PRKN: variants seen among roughly 807,000 people sequenced by gnomAD.
PRKN encodes parkin RBR E3 ubiquitin protein ligase.
PRKN carries 56 observed loss-of-function variants against 59.5 expected under a neutral mutation model. That is an observed-to-expected ratio of 0.94 (90% CI 0.76 to 1.18). The LOEUF is 1.18. Among genes scored for constraint, PRKN ranks in the 50% most tolerant of loss-of-function variants. PRKN has a pLI of 0.00. For synonymous variants in PRKN, 250 were observed against 222.1 expected (o/e 1.13, Z -1.12); for missense variants, 657 against 596.4 (o/e 1.10, Z -1.06).
chr6:162,299,338 G>A (rs1781834915), intron 2 of PRKN, among the ~76,000 whole-genome samples: 1 of 152,178 alleles, frequency 6.6e-6, no homozygotes, highest in Non-Finnish European at 1.5e-5. Context: ...ACGCTTGAGT[G>A]TCTCTCCCGG....
At chr6:162,021,457 ATATATTTTTTTT>A (rs1313171618) in intron 5 of PRKN, among the ~76,000 whole-genome samples, 4 of 83,766 alleles carry the variant, frequency 4.8e-5, no homozygotes, top group African/African-American at 1.9e-4. Context: ...ATATATATAT[ATATATTTTTTTT>A]TTTTTTTTCC....
At chr6:161,692,851 G>C (rs572383507) in intron 7 of PRKN, among the ~76,000 whole-genome samples, 21 of 152,046 alleles carry the variant, frequency 1.4e-4, no homozygotes, top group African/African-American at 4.8e-4. Context: ...GGGAGGCTGA[G>C]GCATGAGGAT....
intron 1 of PRKN, among the ~76,000 whole-genome samples, chr6:162,506,479 G>A (rs1793614029): frequency 6.6e-6 from 1 of 152,098 alleles, no homozygotes; most frequent in Non-Finnish European, 1.5e-5. Flanking sequence ...AGAGATCTTG[G>A]AGAAAGTCTA....
In PRKN at chr6:161,400,595, T is replaced by C. The variant is rs1057272853; in HGVS notation, c.1084-13718A>G. Among the ~76,000 whole-genome samples, 8 of 152,190 alleles carry C rather than the reference T, an allele frequency of 5.3e-5. No homozygotes were observed. Among genetic ancestry groups the C allele is most frequent in the Admixed American group, 4.6e-4 (7 of 15,292 alleles). ...TCCCAAAGTGCTGGGATTACAGGCA[T>C]GAGCCACCACGCTCGGCCGAAAATT... On this transcript the variant is annotated intron_variant, in intron 9 of 11. Transcript: ENST00000366898. This position sits in a 1 kb window ranked among gnomAD's most constrained non-coding sequence, Gnocchi z 4.2.
intron 3 of PRKN, among the ~76,000 whole-genome samples, chr6:162,246,289 G>C (rs953923141): frequency 2.6e-5 from 4 of 152,062 alleles, no homozygotes; most frequent in African/African-American, 9.7e-5. Flanking sequence ...AGACAAGAGG[G>C]TATGTAGAGG....
chr6:162,622,294 T>TGC, intron 1 of PRKN, among the ~76,000 whole-genome samples: 1 of 129,082 alleles, frequency 7.7e-6, no homozygotes, highest in Admixed American at 8.0e-5. Context: ...AAATTCTGTT[T>TGC]TTTTTTTTGT....
At position 161,414,025 on chromosome 6, in the gene PRKN, G is replaced by A. The variant is rs756181247; in HGVS notation, c.1084-27148C>T. On this transcript the variant is annotated intron_variant, in intron 9 of 11. Transcript: ENST00000366898. This position sits in a 1 kb window ranked among gnomAD's most constrained non-coding sequence, Gnocchi z 5.3. Reference sequence around the variant, plus strand: ...AAGCAGCCAGGCAGAGCGGTGGGACGTGAAACTCCTCGACAGCACTGTGTC... The same window carrying A: ...AAGCAGCCAGGCAGAGCGGTGGGACATGAAACTCCTCGACAGCACTGTGTC... 6.6e-6 allele frequency among the ~76,000 whole-genome samples: 1 copy of A among 152,102 alleles called. No individual in the cohort carries two copies. Among genetic ancestry groups the A allele is most frequent in the Non-Finnish European group, 1.5e-5 (1 of 68,028 alleles).
chr6:162,195,325 G>A (rs756869447), intron 4 of PRKN, among the ~76,000 whole-genome samples: 2 of 152,162 alleles, frequency 1.3e-5, no homozygotes, highest in Non-Finnish European at 2.9e-5. Flanking sequence ...AACACCCCAT[G>A]TGAAAACTAG....
rs140191240 is a variant in PRKN, at chr6:162,585,973, G to A, written c.7+141689C>T. Among the ~76,000 whole-genome samples the A allele has an allele frequency of 8.4e-3, 1,272 of 152,220 alleles. 16 individuals carry two copies. Among genetic ancestry groups the A allele is most frequent in the African/African-American group, 0.029 (1,198 of 41,524 alleles). On this transcript the variant is annotated intron_variant, in intron 1 of 11. Transcript: ENST00000366898. ...ACCCGCCTCGGCCTCCCAAAGTGAT[G>A]GGATTACAGGCATGAGCCACCACGC...
chr6:161,870,926 G>A (rs1794316555), intron 6 of PRKN, among the ~76,000 whole-genome samples: 1 of 151,982 alleles, frequency 6.6e-6, no homozygotes, highest in Non-Finnish European at 1.5e-5. Flanking sequence ...GAGACATGGG[G>A]AAAAATACTG....
At chr6:161,950,782 A>C (rs1319191696) in intron 6 of PRKN, among the ~76,000 whole-genome samples, 2 of 152,048 alleles carry the variant, frequency 1.3e-5, no homozygotes, top group Non-Finnish European at 2.9e-5. Flanking sequence ...GTTTCAATAT[A>C]AAAGAAGGTT....
At chr6:162,297,174 CTT>C (rs10681721) in intron 2 of PRKN, among the ~76,000 whole-genome samples, 13 of 139,302 alleles carry the variant, frequency 9.3e-5, no homozygotes, top group Admixed American at 7.2e-5. Context: ...TTTTTCTTTT[CTT>C]TTTTTTTTTT....
chr6:161,384,863 T>C (rs1300846637), intron 10 of PRKN, among the ~76,000 whole-genome samples: 2 of 152,242 alleles, frequency 1.3e-5, no homozygotes, highest in Admixed American at 6.5e-5. Flanking sequence ...AATTACGATA[T>C]TCATTTTCCA....
At position 161,502,934 on chromosome 6, in the gene PRKN, T is replaced by C. The variant is rs1350265438; in HGVS notation, c.1083+45920A>G. On this transcript the variant is annotated intron_variant, in intron 9 of 11. Transcript: ENST00000366898. This position sits in a 1 kb window ranked among gnomAD's most constrained non-coding sequence, Gnocchi z 4.0. ...TTAACCTTCACTTTCTTCATTTTAA[T>C]TGTAGGAGGAGAACAGCACTTACTT... Among the ~76,000 whole-genome samples, 1 of 152,188 alleles carries C rather than the reference T, an allele frequency of 6.6e-6. No homozygotes were observed. Among genetic ancestry groups the C allele is most frequent in the Non-Finnish European group, 1.5e-5 (1 of 68,030 alleles).
chr6:162,041,625 G>A (rs945517429), intron 5 of PRKN, among the ~76,000 whole-genome samples: 2 of 152,114 alleles, frequency 1.3e-5, no homozygotes, highest in African/African-American at 2.4e-5. Flanking sequence ...GACAGAATTT[G>A]CAGGAGGTAC....
intron 7 of PRKN, among the ~76,000 whole-genome samples, chr6:161,687,630 T>C (rs1785614927): frequency 6.7e-6 from 1 of 149,602 alleles, no homozygotes; most frequent in Non-Finnish European, 1.5e-5. Flanking sequence ...CTAATTTTTG[T>C]ATTTTTAATA....
At chr6:161,598,281 A>G (rs1388203001) in intron 7 of PRKN, among the ~76,000 whole-genome samples, 1 of 152,242 alleles carries the variant, frequency 6.6e-6, no homozygotes, top group Non-Finnish European at 1.5e-5. Flanking sequence ...ACAGATGTAT[A>G]CACGACAAAC....
intron 4 of PRKN, among the ~76,000 whole-genome samples, chr6:162,148,928 G>A (rs964188656): frequency 1.3e-5 from 2 of 152,140 alleles, no homozygotes; most frequent in African/African-American, 2.4e-5. Flanking sequence ...GTTCAAGTGT[G>A]TTTACAAGTA....
intron 1 of PRKN, among the ~76,000 whole-genome samples, chr6:162,562,722 C>A (rs181972702): frequency 6.6e-6 from 1 of 152,162 alleles, no homozygotes; most frequent in African/African-American, 2.4e-5. Context: ...TTCCTGACCC[C>A]CAGATGGCAC....
Sources: gnomAD v4.1 joint callset for allele counts (sites outside exome capture counted in the v4.1 genomes callset) on GRCh38, gnomAD v4.1.1 for gene constraint, Gnocchi (gnomAD v3.1) non-coding constraint, MANE v1.5 for transcripts, NCBI Gene and HGNC (gene_info 2026-07-23, HGNC 2026-07-21) for gene names.